MAGI2: variants seen among roughly 807,000 people sequenced by gnomAD.
The protein encoded by MAGI2 is membrane associated guanylate kinase, WW and PDZ domain containing 2.
In MAGI2, 35 loss-of-function variants were observed where a neutral mutation model predicts 133.3. That is an observed-to-expected ratio of 0.26 (90% confidence interval 0.20 to 0.35). MAGI2 has a LOEUF of 0.35. MAGI2 is among the 10% of genes least tolerant of loss of function. The probability of loss-of-function intolerance (pLI) is 1.00; values close to 1 mark genes in which losing one functional copy is unlikely to be tolerated. For synonymous variants in MAGI2, 729 were observed against 710.6 expected, an observed-to-expected ratio of 1.03 and a Z score of -0.41; for missense variants, 1,636 against 1,863.4, an observed-to-expected ratio of 0.88 and a Z score of 2.25.
At chr7:78,120,957 C>A (rs1323012535) in intron 20 of MAGI2, among the ~76,000 whole-genome samples, 1 of 137,740 alleles carries the variant, frequency 7.3e-6, no homozygotes, top group Admixed American at 7.7e-5. Flanking sequence ...GCCGAGATCC[C>A]GCCACTGCAC....
At chr7:79,040,238 T>C (rs1041818416) in intron 1 of MAGI2, among the ~76,000 whole-genome samples, 2 of 152,014 alleles carry the variant, frequency 1.3e-5, no homozygotes, top group African/African-American at 4.8e-5. Context: ...TGCCACCTTG[T>C]GAAGAAGGTG....
intron 16 of MAGI2, among the ~76,000 whole-genome samples, chr7:78,158,905 A>C (rs968436751): frequency 8.5e-5 from 13 of 152,124 alleles, no homozygotes; most frequent in Admixed American, 6.5e-5. Context: ...GATATTTTGC[A>C]GACCTTGCAC....
At chr7:78,385,710 C>T (rs921081085) in intron 6 of MAGI2, among the ~76,000 whole-genome samples, 2 of 152,112 alleles carry the variant, frequency 1.3e-5, no homozygotes, top group African/African-American at 2.4e-5. Flanking sequence ...TCCATCTTGG[C>T]AATACAGTAT....
chr7:78,620,621 G>C (rs558235608), intron 3 of MAGI2, among the ~76,000 whole-genome samples: 1 of 151,904 alleles, frequency 6.6e-6, no homozygotes, highest in Non-Finnish European at 1.5e-5. Context: ...GTGTATACTA[G>C]GGTCCACGAT....
At chr7:78,253,076 C>T (rs1792593222) in intron 10 of MAGI2, 1 of 151,992 alleles carries the variant, frequency 6.6e-6, no homozygotes, top group Admixed American at 6.6e-5. Flanking sequence ...TAGGTATCTA[C>T]CCAAGAAAAA....
At chr7:78,536,267 T>C (rs371914019) in intron 3 of MAGI2, among the ~76,000 whole-genome samples, 23 of 149,342 alleles carry the variant, frequency 1.5e-4, no homozygotes, top group Middle Eastern at 6.9e-3. Context: ...CGCCCGCCAC[T>C]ACGCCCGGCT....
chr7:79,439,120 C>G (rs1488343645), intron 1 of MAGI2, among the ~76,000 whole-genome samples: 1 of 152,046 alleles, frequency 6.6e-6, no homozygotes, highest in Non-Finnish European at 1.5e-5. Context: ...CATCTTTTCC[C>G]TATCCCACCT....
intron 11 of MAGI2, among the ~76,000 whole-genome samples, chr7:78,199,246 TG>T (rs1466339120): frequency 2.0e-5 from 3 of 152,210 alleles, no homozygotes; most frequent in Non-Finnish European, 4.4e-5. Flanking sequence ...AGAGGACAGG[TG>T]TATAAACCTA....
chr7:78,786,802 T>C (rs1482468921), intron 2 of MAGI2, among the ~76,000 whole-genome samples: 1 of 152,182 alleles, frequency 6.6e-6, no homozygotes, highest in Non-Finnish European at 1.5e-5. Flanking sequence ...ATCTTTTTTG[T>C]TGTGTGCCAC....
intron 1 of MAGI2, among the ~76,000 whole-genome samples, chr7:79,294,064 T>A (rs183708855): frequency 4.2e-4 from 63 of 149,376 alleles, no homozygotes; most frequent in Middle Eastern, 3.5e-3. Context: ...GAGTCTGTAA[T>A]CCCCTCAGGA....
intron 1 of MAGI2, among the ~76,000 whole-genome samples, chr7:79,114,964 G>A (rs550235912): frequency 6.6e-6 from 1 of 152,264 alleles, no homozygotes; most frequent in South Asian, 2.1e-4. Flanking sequence ...CATCTTAATT[G>A]CTTCCCGTTT....
intron 2 of MAGI2, among the ~76,000 whole-genome samples, chr7:78,998,452 C>G (rs1413610489): frequency 2.6e-5 from 4 of 152,096 alleles, no homozygotes; most frequent in African/African-American, 9.7e-5. Context: ...AATACCTTTG[C>G]CAAGGCCCTA....
chr7:79,405,592 G>C (rs1301396550), intron 1 of MAGI2, among the ~76,000 whole-genome samples: 1 of 152,062 alleles, frequency 6.6e-6, no homozygotes, highest in Non-Finnish European at 1.5e-5. Flanking sequence ...TGCCCCAAGA[G>C]TGCTAGTATG....
intron 2 of MAGI2, among the ~76,000 whole-genome samples, chr7:78,650,485 A>G (rs1052278649): frequency 6.6e-6 from 1 of 152,132 alleles, no homozygotes; most frequent in Non-Finnish European, 1.5e-5. Flanking sequence ...GCTGGGTCCC[A>G]AAGAACTAAA....
intron 9 of MAGI2, among the ~76,000 whole-genome samples, chr7:78,299,240 T>TA (rs1797615015): frequency 1.3e-5 from 2 of 152,238 alleles, no homozygotes; most frequent in Non-Finnish European, 2.9e-5. Flanking sequence ...TACTGGTTGC[T>TA]AACTTGAAGA....
chr7:78,289,594 A>G (rs929362200), intron 9 of MAGI2, among the ~76,000 whole-genome samples: 3 of 152,170 alleles, frequency 2.0e-5, no homozygotes, highest in Admixed American at 6.5e-5. Flanking sequence ...CAGGAAATTC[A>G]GAGAACACCA....
intron 9 of MAGI2, among the ~76,000 whole-genome samples, chr7:78,329,771 C>CA (rs1490545133): frequency 6.6e-6 from 1 of 152,084 alleles, no homozygotes; most frequent in Non-Finnish European, 1.5e-5. Context: ...ACGTGCCTAG[C>CA]AAAAAGAGAT....
chr7:79,086,659 G>T (rs892981263), intron 1 of MAGI2, among the ~76,000 whole-genome samples: 2 of 151,556 alleles, frequency 1.3e-5, no homozygotes, highest in African/African-American at 2.4e-5. Context: ...ATGTGATCTC[G>T]CTTTCTTATT....
chr7:78,287,419 T>TCCTCCTCC (rs1796253444), intron 9 of MAGI2, among the ~76,000 whole-genome samples: 2 of 152,274 alleles, frequency 1.3e-5, no homozygotes, highest in South Asian at 4.1e-4. Context: ...GTCTGATATG[T>TCCTCCTCC]AGTAGGAAAT....
Sources: gnomAD v4.1 joint callset for allele counts (sites outside exome capture counted in the v4.1 genomes callset) on GRCh38, gnomAD v4.1.1 for gene constraint, MANE v1.5 for transcripts, NCBI Gene and HGNC (gene_info 2026-07-23, HGNC 2026-07-21) for gene names.